Variants in SENP7 observed in about 807,000 individuals in gnomAD.
SENP7 encodes the protein sentrin-specific protease 7.
In SENP7, 64 loss-of-function variants were observed where a neutral mutation model predicts 141.2. The observed-to-expected ratio is 0.45, with a 90% CI of 0.37 to 0.56. The LOEUF (loss-of-function observed/expected upper bound fraction) is 0.56. SENP7 is among the 20% of genes least tolerant of loss of function. SENP7 has a pLI of 0.00. For synonymous variants in SENP7, 382 were observed against 426.4 expected, an observed-to-expected ratio of 0.90 and a Z score of 1.28; for missense variants, 1,025 against 1,212.2, an observed-to-expected ratio of 0.85 and a Z score of 2.29.
intron 3 of SENP7, among the ~76,000 whole-genome samples, chr3:101,463,382 T>TATATATATATATAC (rs1438717906): frequency 1.1e-4 from 10 of 89,922 alleles, no homozygotes; most frequent in East Asian, 9.8e-4. Context: ...TATATATATA[T>TATATATATATATAC]ATATATATAT....
In SENP7 at chr3:101,458,973, G is replaced by C. The variant is rs1293428366; in HGVS notation, c.266C>G (p.Ser89Cys). The C allele has an allele frequency of 6.2e-7, 1 of 1,604,986 alleles. No individual in the cohort carries two copies. The highest frequency in any genetic ancestry group is 2.2e-5 in the East Asian group (1 of 44,734). The change falls in exon 4 of 24, where the codon TCC (serine) becomes TGC (cysteine). Residue 89 changes from serine to cysteine, a missense_variant. Transcript: ENST00000394095. ...KKHIRGCPVTSKSSPERQLKV... is the reference protein window; with the variant it reads ...KKHIRGCPVTCKSSPERQLKV... ...ATCTTACCTTTCTGGTGATGACTTG[G>C]AAGTAACAGGACACCCTCGGATATG...
rs745455381 is a variant in SENP7, at chr3:101,341,728, T to A, written c.2158A>T (p.Ser720Cys). The change falls in exon 15 of 24, where the codon AGT becomes TGT. Residue 720 changes from serine (S) to cysteine (C), a missense_variant. Coordinates refer to ENST00000394095, the MANE Select transcript of SENP7 (RefSeq NM_020654.5). The part of the protein sequence containing the change: ...KPTYTFLQKQ[S>C]SGCYSLSITS... ...ATAGAAAGGGAGTAGCAACCGCTAC[T>A]TTGCTTCTGCAGGAAGGTGTAAGTA... The A allele has an allele frequency of 1.2e-6, 2 of 1,611,794 alleles. No homozygotes were observed. The highest frequency in any genetic ancestry group is 1.3e-5 in the African/African-American group (1 of 74,912).
chr3:101,467,078 C>T (rs1010420786), intron 3 of SENP7, among the ~76,000 whole-genome samples: 2 of 152,256 alleles, frequency 1.3e-5, no homozygotes, highest in Non-Finnish European at 2.9e-5. Context: ...GCCTTGCTCA[C>T]TGCTAGCACA....
chr3:101,431,508 CTTTTTTTTT>C (rs56937965), intron 4 of SENP7, among the ~76,000 whole-genome samples: 1 of 82,910 alleles, frequency 1.2e-5, no homozygotes, highest in African/African-American at 4.9e-5. Flanking sequence ...GCAACCCCTG[CTTTTTTTTT>C]TTTTTTTTTT....
rs1373076907 is a variant in SENP7 at position 101,366,763 on chromosome 3, G to T, written c.985C>A (p.Gln329Lys). 3.8e-6 allele frequency: 6 copies of T among 1,569,964 alleles called. No homozygotes were observed. The highest frequency in any genetic ancestry group is 3.5e-6 in the Non-Finnish European group (4 of 1,156,986). The change falls in exon 9 of 24, where the codon CAA becomes AAA. Residue 329 changes from glutamine to lysine, a missense_variant. Physicochemically the swap from Gln to Lys is moderately conservative, Grantham distance 53. Transcript: ENST00000394095. ...GTGGATATTGTTGAGTCATCTTCTT[G>T]TTTTTTCTAAACATAAACACATAGA... ...LDKSTEQTKK[Q>K]EDDSTISTEF...
At chr3:101,377,229 G>A (rs1342271306) in intron 6 of SENP7, among the ~76,000 whole-genome samples, 4 of 152,064 alleles carry the variant, frequency 2.6e-5, no homozygotes, top group Non-Finnish European at 4.4e-5. Flanking sequence ...CTATCCTAAC[G>A]GGTAAAACTG....
intron 4 of SENP7, among the ~76,000 whole-genome samples, chr3:101,450,137 G>A (rs1396437983): frequency 6.6e-6 from 1 of 152,100 alleles, no homozygotes; most frequent in Non-Finnish European, 1.5e-5. Context: ...AATGGTAAAG[G>A]GATCAATTCA....
chr3:101,363,793 C>G (rs986065398), intron 10 of SENP7, among the ~76,000 whole-genome samples: 1 of 152,196 alleles, frequency 6.6e-6, no homozygotes, highest in Non-Finnish European at 1.5e-5. Flanking sequence ...ATCGGGCCAA[C>G]TCTTCACCAT....
intron 4 of SENP7, among the ~76,000 whole-genome samples, chr3:101,427,362 C>T (rs2061996030): frequency 1.3e-5 from 2 of 151,850 alleles, no homozygotes; most frequent in African/African-American, 2.4e-5. Context: ...TGGTGGTGCA[C>T]ACCTTTAGTC....
chr3:101,512,963 G>A lies in SENP7; in HGVS notation c.40+128C>T, dbSNP rs2065923848. On this transcript the variant is annotated intron_variant, in intron 1 of 23. Coordinates refer to ENST00000394095, the MANE Select transcript of SENP7 (RefSeq NM_020654.5). ...GACCCGGGAGCCTTCCATTGTGCGC[G>A]CCCCTTCCTCTCCCCGCCCCCGCCC... The A allele has an allele frequency of 3.0e-6, 3 of 1,010,062 alleles. No homozygotes were observed. Among genetic ancestry groups the A allele is most frequent in the Non-Finnish European group, 4.7e-6 (3 of 642,458 alleles). 62.6% of individuals were successfully genotyped at this position (1,010,062 alleles called of 1,614,324 possible). A position where few individuals can be genotyped will look rare whatever the true frequency, so the allele number is the denominator to read the frequency against.
At chr3:101,391,754 C>T (rs1429506411) in intron 6 of SENP7, among the ~76,000 whole-genome samples, 1 of 152,110 alleles carries the variant, frequency 6.6e-6, no homozygotes, top group African/African-American at 2.4e-5. Context: ...CAGCACTACC[C>T]TGATAACAAA....
intron 17 of SENP7, chr3:101,337,277 T>C (rs1365279383): frequency 3.6e-6 from 1 of 278,810 alleles, no homozygotes; most frequent in Non-Finnish European, 6.8e-6. Flanking sequence ...CTTCCAGGAT[T>C]TCCCCCAGGG....
intron 6 of SENP7, among the ~76,000 whole-genome samples, chr3:101,390,974 A>G (rs2060800926): frequency 1.3e-5 from 2 of 152,200 alleles, no homozygotes; most frequent in Admixed American, 1.3e-4. Flanking sequence ...TGGAACTTAA[A>G]CAACATGCTC....
intron 1 of SENP7, among the ~76,000 whole-genome samples, chr3:101,510,487 T>C (rs1235604776): frequency 6.6e-6 from 1 of 152,204 alleles, no homozygotes; most frequent in Non-Finnish European, 1.5e-5. Context: ...GCTACCCACC[T>C]TCCTTCTACC....
At chr3:101,343,386 T>G (rs1466751286) in intron 14 of SENP7, among the ~76,000 whole-genome samples, 1 of 152,186 alleles carries the variant, frequency 6.6e-6, no homozygotes, top group Non-Finnish European at 1.5e-5. Flanking sequence ...ATTTATTAAT[T>G]GGATTTTTTT....
intron 6 of SENP7, among the ~76,000 whole-genome samples, chr3:101,393,233 T>G (rs1279629860): frequency 6.6e-6 from 1 of 152,176 alleles, no homozygotes; most frequent in Non-Finnish European, 1.5e-5. Context: ...CCTGAAAATG[T>G]AAAATTTCCA....
In SENP7 at chr3:101,369,102, T is replaced by G. The variant is rs182640981; in HGVS notation, c.797-1091A>C. On this transcript the variant is annotated intron_variant, in intron 7 of 23. Coordinates refer to ENST00000394095, the MANE Select transcript of SENP7 (RefSeq NM_020654.5). ...ATCATTTTGAAACTCATGCCAATCA[T>G]TACTAAAAATATTTAATATTTGTTA... Among the ~76,000 whole-genome samples, 579 of 152,346 alleles carry G rather than the reference T, an allele frequency of 3.8e-3. 2 individuals are homozygous for G. Among genetic ancestry groups the G allele is most frequent in the Non-Finnish European group, 4.9e-3 (336 of 68,028 alleles).
chr3:101,406,290 G>A (rs554395930), intron 5 of SENP7, among the ~76,000 whole-genome samples: 10 of 152,242 alleles, frequency 6.6e-5, no homozygotes, highest in South Asian at 6.2e-4. Flanking sequence ...GTAGGCACAC[G>A]GATGAAGCTG....
intron 4 of SENP7, among the ~76,000 whole-genome samples, chr3:101,420,483 T>C (rs896623112): frequency 7.9e-5 from 12 of 152,220 alleles, no homozygotes; most frequent in Non-Finnish European, 1.8e-4. Context: ...TGTCTTACAG[T>C]TAAGAAATCC....
Sources: allele counts gnomAD v4.1 joint callset (sites outside exome capture counted in the v4.1 genomes callset), GRCh38; gene constraint gnomAD v4.1.1; transcripts MANE v1.5; gene names NCBI Gene and HGNC (gene_info 2026-07-23, HGNC 2026-07-21).